SYNE1: variants seen among roughly 807,000 people sequenced by gnomAD.
The protein encoded by SYNE1 is spectrin repeat containing nuclear envelope protein 1.
A neutral mutation model predicts 1,111.0 loss-of-function variants in SYNE1; 616 were observed. The ratio of observed to expected loss-of-function variants is 0.55; its 90% CI spans 0.52 to 0.59. The LOEUF (loss-of-function observed/expected upper bound fraction) is 0.59. Among genes scored for constraint, SYNE1 ranks in the 20% least tolerant of loss-of-function variants. SYNE1 has a pLI of 0.00. For synonymous variants in SYNE1, 3,855 were observed against 3,825.8 expected (o/e 1.01, Z -0.28); for missense variants, 10,006 against 10,417.0 (o/e 0.96, Z 1.72).
At position 152,293,621 on chromosome 6, in the gene SYNE1, G is replaced by A. The variant is rs2094717358; in HGVS notation, c.17979C>T (p.Gly5993=). 6.2e-7 allele frequency: 1 copy of A among 1,613,978 alleles called. No individual in the cohort carries two copies. Among genetic ancestry groups the A allele is most frequent in the African/African-American group, 1.3e-5 (1 of 74,930 alleles). The change falls in exon 95 of 146, where the codon GGC becomes GGT. Residue 5993 remains glycine (G), a synonymous_variant. Transcript: ENST00000367255. ...CAGCCATCTGGCTTTCTGGACTCCT[G>A]CCAGGCTCTGGGCTCTCACTGAGTT... The part of the protein sequence containing the change: ...ELKLSESPEP[G]RSPESQMAEH...
At chr6:152,534,976 T>C (rs2099227215) in intron 4 of SYNE1, among the ~76,000 whole-genome samples, 2 of 152,266 alleles carry the variant, frequency 1.3e-5, no homozygotes, top group African/African-American at 4.8e-5. Flanking sequence ...GAATCTGTTA[T>C]AGGTTGAATT....
In SYNE1 at chr6:152,329,926, A is replaced by G. The variant is rs1590206495; in HGVS notation, c.14759T>C (p.Ile4920Thr). ...TTGGATTTTTCTGATTTCCTCTTGG[A>G]TGTCCTGCAGGTTGAGGTCTAGGTA... The part of the protein sequence containing the change: ...PVYLDLNLQD[I>T]QEEIRKIQIH... The change falls in exon 78 of 146, where the codon ATC (isoleucine) becomes ACC (threonine). Residue 4920 changes from isoleucine to threonine, a missense_variant. By Grantham distance (89) the Ile-to-Thr change is moderately conservative. Transcript: ENST00000367255. The G allele has an allele frequency of 6.2e-7, 1 of 1,614,110 alleles. No individual in the cohort carries two copies. Among genetic ancestry groups the G allele is most frequent in the African/African-American group, 1.3e-5 (1 of 75,018 alleles).
chr6:152,244,181 A>G (rs1471025917), intron 106 of SYNE1, among the ~76,000 whole-genome samples: 1 of 152,206 alleles, frequency 6.6e-6, no homozygotes, highest in African/African-American at 2.4e-5. Flanking sequence ...GACATAGTGC[A>G]ATACGAGGGT....
chr6:152,562,539 C>T (rs773965318), intron 3 of SYNE1, among the ~76,000 whole-genome samples: 1 of 152,206 alleles, frequency 6.6e-6, no homozygotes, highest in Non-Finnish European at 1.5e-5. Flanking sequence ...AATAGTCCCA[C>T]TACTGAGTAT....
At chr6:152,464,906 C>T (rs2098755379) in intron 18 of SYNE1, 2 of 348,758 alleles carry the variant, frequency 5.7e-6, no homozygotes, top group Non-Finnish European at 1.1e-5. Context: ...CCACATAGAT[C>T]CAGTAGTATG....
chr6:152,313,976 C>T (rs1265782566), intron 87 of SYNE1, among the ~76,000 whole-genome samples: 5 of 152,186 alleles, frequency 3.3e-5, no homozygotes, highest in African/African-American at 9.6e-5. Context: ...TCATCGTTGA[C>T]TCCTCCCTCT....
intron 3 of SYNE1, among the ~76,000 whole-genome samples, chr6:152,547,724 T>A (rs1382983766): frequency 6.6e-6 from 1 of 152,072 alleles, no homozygotes; most frequent in East Asian, 1.9e-4. Context: ...TCAGAAAGAG[T>A]TTGACTTGTT....
intron 127 of SYNE1, among the ~76,000 whole-genome samples, chr6:152,200,596 A>G (rs9371577): frequency 0.15 from 22,246 of 152,122 alleles, 1,857 homozygotes; most frequent in East Asian, 0.23. Context: ...GAGTCTTGCC[A>G]TATTGCCCAG....
chr6:152,371,621 G>A (rs1257393892), intron 59 of SYNE1, among the ~76,000 whole-genome samples: 1 of 112,552 alleles, frequency 8.9e-6, no homozygotes, highest in African/African-American at 3.5e-5. Flanking sequence ...AGGGAGGGGA[G>A]GAGAGGGGAG....
Position 152,139,718 on chromosome 6 carries a change from AAAG to A in SYNE1, c.25458+229_25458+231del, listed in dbSNP as rs937991006. The stretch of plus-strand genomic sequence containing the variant: ...AGAAAGAGAAAAAGAAAAGAAAGAA[AAAG>A]AAAGAAAGAAAGAAAGAAAGAAAGA... On this transcript the variant is annotated intron_variant, in intron 140 of 145. Coordinates refer to ENST00000367255, the MANE Select transcript of SYNE1 (RefSeq NM_182961.4). Among the ~76,000 whole-genome samples, 3 of 1,608 alleles carry A rather than the reference AAAG, an allele frequency of 1.9e-3. No homozygotes were observed. In the African/African-American group the frequency reaches 0.023, roughly 12 times the overall value. The allele number at this position is 1,608 out of a possible 152,430, so 1.1% of individuals were successfully genotyped here.
intron 3 of SYNE1, chr6:152,546,247 A>G (rs974947648): frequency 6.6e-6 from 1 of 152,194 alleles, no homozygotes; most frequent in Non-Finnish European, 1.5e-5. Flanking sequence ...TAACTACTCA[A>G]TGTTAAGATT....
intron 56 of SYNE1, among the ~76,000 whole-genome samples, chr6:152,377,601 T>G (rs2097305691): frequency 1.4e-5 from 1 of 71,652 alleles, no homozygotes; most frequent in African/African-American, 5.9e-5. Context: ...AGAACGAAAC[T>G]CCGTCTTAAA....
At chr6:152,136,111 G>T (rs2057015558) in intron 141 of SYNE1, among the ~76,000 whole-genome samples, 1 of 152,156 alleles carries the variant, frequency 6.6e-6, no homozygotes, top group African/African-American at 2.4e-5. Context: ...ACGTCTGCAA[G>T]TATCTGGTTT....
chr6:152,613,755 C>G (rs1481213534), intron 3 of SYNE1, among the ~76,000 whole-genome samples: 1 of 152,118 alleles, frequency 6.6e-6, no homozygotes, highest in African/African-American at 2.4e-5. Flanking sequence ...GCCACAGTAA[C>G]CAAAGCAGCA....
At chr6:152,419,122 G>A (rs770949033) in intron 40 of SYNE1, among the ~76,000 whole-genome samples, 4 of 152,128 alleles carry the variant, frequency 2.6e-5, no homozygotes, top group Non-Finnish European at 5.9e-5. Context: ...GAGAGCAGAG[G>A]AAAGATCTTT....
In SYNE1 at chr6:152,458,002, T is replaced by A. The variant is rs56355082; in HGVS notation, c.2568+755A>T. ...TACATATAAAATTTATATATATTTA[T>A]CTTTTAGTTATGTAATGTAGAGACA... On this transcript the variant is annotated intron_variant, in intron 22 of 145. Coordinates refer to ENST00000367255, the MANE Select transcript of SYNE1 (RefSeq NM_182961.4). 6.4e-3 allele frequency among the ~76,000 whole-genome samples: 965 copies of A among 151,422 alleles called. 6 individuals carry two copies. The highest frequency in any genetic ancestry group is 0.011 in the Non-Finnish European group (739 of 67,844).
chr6:152,493,245 C>T (rs1379733837), intron 11 of SYNE1, among the ~76,000 whole-genome samples: 1 of 152,102 alleles, frequency 6.6e-6, no homozygotes, highest in Non-Finnish European at 1.5e-5. Context: ...TGTCCAGGAT[C>T]TTCACCTTAT....
Position 152,236,090 on chromosome 6 carries a change from A to C in SYNE1, c.20396+17T>G. On this transcript the variant is annotated intron_variant, in intron 110 of 145. Coordinates refer to ENST00000367255, the MANE Select transcript of SYNE1 (RefSeq NM_182961.4). ...GCAGCACTTATCTAAAAATATACAA[A>C]ACAGTCATTGTATTACCTGGTCCAG... 1 of 1,611,660 alleles carries C rather than the reference A, an allele frequency of 6.2e-7. No homozygotes were observed.
At chr6:152,552,115 T>G (rs538609375) in intron 3 of SYNE1, among the ~76,000 whole-genome samples, 1 of 152,166 alleles carries the variant, frequency 6.6e-6, no homozygotes, top group Non-Finnish European at 1.5e-5. Context: ...CAAAATACAT[T>G]GTTTGGTGTG....
Sources: gnomAD v4.1 joint callset for allele counts (sites outside exome capture counted in the v4.1 genomes callset) on GRCh38, gnomAD v4.1.1 for gene constraint, MANE v1.5 for transcripts, NCBI Gene and HGNC (gene_info 2026-07-23, HGNC 2026-07-21) for gene names.